The following DLG2 variants were observed in gnomAD, a reference collection of about 807,000 sequenced individuals.
The protein encoded by DLG2 is disks large homolog 2.
Under a neutral mutation model 132.5 loss-of-function variants are expected in DLG2, and 45 were observed. That is an observed-to-expected ratio of 0.34 (90% CI 0.27 to 0.44). The LOEUF (loss-of-function observed/expected upper bound fraction) is 0.44, where lower values mean the gene tolerates loss of function less well. DLG2 is among the 20% of genes least tolerant of loss of function. The probability of loss-of-function intolerance (pLI) is 1.00; values close to 1 mark genes in which losing one functional copy is unlikely to be tolerated. For missense variants in DLG2, 1,045 were observed against 1,196.9 expected (o/e 0.87, Z 1.87); for synonymous variants, 424 against 419.6 (o/e 1.01, Z -0.13).
chr11:85,520,580 C>T, intron 3 of DLG2, among the ~76,000 whole-genome samples: 1 of 149,370 alleles, frequency 6.7e-6, no homozygotes, highest in Non-Finnish European at 1.5e-5. Context: ...AAGAACAAAA[C>T]TGAAGGAATC....
At chr11:83,873,826 C>T (rs541412655) in intron 16 of DLG2, among the ~76,000 whole-genome samples, 2 of 152,306 alleles carry the variant, frequency 1.3e-5, no homozygotes, top group South Asian at 2.1e-4. Flanking sequence ...ACCAACATGA[C>T]CTGCTCCCTA....
chr11:84,133,853 C>T (rs2094508764), intron 9 of DLG2, among the ~76,000 whole-genome samples: 1 of 151,988 alleles, frequency 6.6e-6, no homozygotes, highest in Admixed American at 6.6e-5. Flanking sequence ...GGATATCTGG[C>T]TTTTAAACTA....
intron 6 of DLG2, among the ~76,000 whole-genome samples, chr11:84,976,763 CA>C (rs770757439): frequency 6.6e-6 from 1 of 152,102 alleles, no homozygotes; most frequent in Admixed American, 6.6e-5. Context: ...ACAGGTGCCT[CA>C]AAGACTTAAA....
chr11:83,630,885 G>A (rs2063431122), intron 19 of DLG2, among the ~76,000 whole-genome samples: 1 of 152,134 alleles, frequency 6.6e-6, no homozygotes. Context: ...TAAGTAAAGT[G>A]AGGAGAATAA....
chr11:83,614,214 G>A (rs1166005246), intron 19 of DLG2, among the ~76,000 whole-genome samples: 1 of 152,116 alleles, frequency 6.6e-6, no homozygotes, highest in African/African-American at 2.4e-5. Flanking sequence ...CTAAAGCAAG[G>A]ACTGAGTACT....
At chr11:84,206,022 T>G (rs1439318965) in intron 8 of DLG2, among the ~76,000 whole-genome samples, 1 of 152,024 alleles carries the variant, frequency 6.6e-6, no homozygotes, top group Non-Finnish European at 1.5e-5. Flanking sequence ...TTAAATATAT[T>G]AAACAGAAAT....
At position 84,805,319 on chromosome 11, in the gene DLG2, C is replaced by T. The variant is rs145475758; in HGVS notation, c.358-270588G>A. On this transcript the variant is annotated intron_variant, in intron 6 of 27. Coordinates refer to ENST00000376104, the MANE Select transcript of DLG2 (RefSeq NM_001142699.3). ...AGTATCCACTCCTCCCTTTCTCCTG[C>T]CCCAAAATGTACAGAATTACATAGA... is the stretch of plus-strand genomic sequence containing the variant. Among the ~76,000 whole-genome samples, 590 of 152,110 alleles carry T rather than the reference C, an allele frequency of 3.9e-3. 3 individuals are homozygous for T. Among genetic ancestry groups the T allele is most frequent in the African/African-American group, 0.014 (578 of 41,474 alleles).
At chr11:83,764,243 T>C (rs549848278) in intron 18 of DLG2, among the ~76,000 whole-genome samples, 4 of 152,134 alleles carry the variant, frequency 2.6e-5, no homozygotes, top group Non-Finnish European at 2.9e-5. Context: ...GTGGGAGTGA[T>C]TGTGGAGGGA....
At chr11:84,777,271 ATGTGTGTGTG>A (rs1168148650) in intron 6 of DLG2, among the ~76,000 whole-genome samples, 9 of 117,972 alleles carry the variant, frequency 7.6e-5, no homozygotes, top group African/African-American at 2.2e-4. Flanking sequence ...GTGTATGTAT[ATGTGTGTGTG>A]TATATATATA....
chr11:83,954,865 A>G (rs1240699034), intron 14 of DLG2, among the ~76,000 whole-genome samples: 1 of 152,258 alleles, frequency 6.6e-6, no homozygotes, highest in Non-Finnish European at 1.5e-5. Context: ...AGTCATAAAA[A>G]TTAAGATTCT....
intron 3 of DLG2, among the ~76,000 whole-genome samples, chr11:85,431,670 G>C (rs574283781): frequency 6.6e-6 from 1 of 152,360 alleles, no homozygotes; most frequent in East Asian, 1.9e-4. Flanking sequence ...TGATTTCCCA[G>C]AGCCTGAGCT....
chr11:83,505,478 G>C (rs948573399), intron 21 of DLG2, among the ~76,000 whole-genome samples: 1 of 152,168 alleles, frequency 6.6e-6, no homozygotes, highest in African/African-American at 2.4e-5. Context: ...CTATATACTT[G>C]ATTATTAAAA....
At chr11:83,567,823 T>A (rs2096733644) in intron 19 of DLG2, among the ~76,000 whole-genome samples, 1 of 152,012 alleles carries the variant, frequency 6.6e-6, no homozygotes, top group African/African-American at 2.4e-5. Flanking sequence ...TGCAAGGAAT[T>A]CAGTCCAGCT....
chr11:84,863,678 T>C (rs1317736193), intron 6 of DLG2, among the ~76,000 whole-genome samples: 1 of 152,128 alleles, frequency 6.6e-6, no homozygotes. Flanking sequence ...GGAAGGAGCT[T>C]AGACTCTGAT....
intron 11 of DLG2, among the ~76,000 whole-genome samples, chr11:84,016,390 T>C (rs2095187329): frequency 6.6e-6 from 1 of 152,176 alleles, no homozygotes; most frequent in Non-Finnish European, 1.5e-5. Flanking sequence ...TTTGTTGCAA[T>C]TACTTTTGGT....
intron 3 of DLG2, among the ~76,000 whole-genome samples, chr11:85,306,985 G>A (rs2079991291): frequency 6.6e-6 from 1 of 152,208 alleles, no homozygotes; most frequent in African/African-American, 2.4e-5. Context: ...TCATGACAAA[G>A]TCAATGTCAT....
chr11:84,815,300 A>G (rs2076977457), intron 6 of DLG2, among the ~76,000 whole-genome samples: 1 of 152,100 alleles, frequency 6.6e-6, no homozygotes, highest in Non-Finnish European at 1.5e-5. Context: ...AGAAACTAGA[A>G]GAAATTGTGA....
intron 6 of DLG2, among the ~76,000 whole-genome samples, chr11:85,080,988 T>A (rs1301058174): frequency 6.6e-6 from 1 of 152,148 alleles, no homozygotes; most frequent in African/African-American, 2.4e-5. Flanking sequence ...ATAATAATAA[T>A]TTGATAAAGA....
At chr11:85,586,585 G>A (rs2078986001) in intron 3 of DLG2, among the ~76,000 whole-genome samples, 1 of 152,056 alleles carries the variant, frequency 6.6e-6, no homozygotes, top group Non-Finnish European at 1.5e-5. Flanking sequence ...AGCTCATTTG[G>A]ATCTTCTCTC....
Sources: gnomAD v4.1 joint callset for allele counts (sites outside exome capture counted in the v4.1 genomes callset) on GRCh38, gnomAD v4.1.1 for gene constraint, MANE v1.5 for transcripts, NCBI Gene and HGNC (gene_info 2026-07-23, HGNC 2026-07-21) for gene names.